ZDHHC7: variants seen among roughly 807,000 people sequenced by gnomAD.
The protein encoded by ZDHHC7 is zDHHC palmitoyltransferase 7.
Under a neutral mutation model 34.1 loss-of-function variants are expected in ZDHHC7, and 12 were observed. The observed-to-expected ratio is 0.35, with a 90% CI of 0.23 to 0.57. The LOEUF (loss-of-function observed/expected upper bound fraction) is 0.57. Ranked by LOEUF, ZDHHC7 falls within the 20% of genes least tolerant of loss-of-function variation. The pLI, the probability that ZDHHC7 is intolerant of heterozygous loss-of-function variation, is 0.84. For missense variants in ZDHHC7, 388 were observed against 402.7 expected (o/e 0.96, Z 0.31); for synonymous variants, 185 against 155.4 (o/e 1.19, Z -1.42).
At chr16:84,987,647 G>A (rs1020111232) in intron 3 of ZDHHC7, among the ~76,000 whole-genome samples, 6 of 152,104 alleles carry the variant, frequency 3.9e-5, no homozygotes, top group Admixed American at 6.5e-5. Context: ...ACTTACACGC[G>A]GCCGTTCAGA....
chr16:85,020,519 G>C, the ZDHHC7 span, among the ~76,000 whole-genome samples: 1 of 152,196 alleles, frequency 6.6e-6, no homozygotes, highest in Non-Finnish European at 1.5e-5. Flanking sequence ...GATTCCTTTA[G>C]GATGTGACAT....
At chr16:84,999,664 C>G (rs935051231) in intron 1 of ZDHHC7, among the ~76,000 whole-genome samples, 1 of 152,062 alleles carries the variant, frequency 6.6e-6, no homozygotes, top group African/African-American at 2.4e-5. Context: ...GAGGCAAACT[C>G]GTTTATTTAG....
chr16:85,003,663 G>A (rs79458791), intron 1 of ZDHHC7, among the ~76,000 whole-genome samples: 1 of 152,274 alleles, frequency 6.6e-6, no homozygotes, highest in East Asian at 1.9e-4. Flanking sequence ...ATGATATGCT[G>A]GCACGTAAGT....
At chr16:85,027,381 G>A in the ZDHHC7 span, among the ~76,000 whole-genome samples, 2 of 152,170 alleles carry the variant, frequency 1.3e-5, no homozygotes, top group African/African-American at 4.8e-5. Context: ...AACTGACACG[G>A]CTGTTTTAAA....
At chr16:85,014,848 TC>T (rs1490230801), upstream of ZDHHC7, among the ~76,000 whole-genome samples, 1 of 152,064 alleles carries the variant, frequency 6.6e-6, no homozygotes. Flanking sequence ...AGACAAAACA[TC>T]AATGAATACG....
intron 1 of ZDHHC7, among the ~76,000 whole-genome samples, chr16:84,999,760 G>A (rs180695386): frequency 1.3e-5 from 2 of 152,258 alleles, no homozygotes; most frequent in Admixed American, 1.3e-4. Flanking sequence ...AGACATGCCT[G>A]TATCTTGAGA....
At chr16:84,981,141 G>A (rs1447679917) in intron 4 of ZDHHC7, among the ~76,000 whole-genome samples, 4 of 152,172 alleles carry the variant, frequency 2.6e-5, no homozygotes, top group Non-Finnish European at 5.9e-5. Flanking sequence ...TTCAACACGT[G>A]AAATCAACAG....
chr16:84,976,619 G>A (rs960319086), intron 7 of ZDHHC7, 100 bp from the exon 8 acceptor site: 10 of 1,461,898 alleles, frequency 6.8e-6, no homozygotes, highest in Middle Eastern at 2.4e-4. Flanking sequence ...GTGTGGGCTC[G>A]ATGGAGGGTA....
Position 84,976,542 on chromosome 16 carries a change from G to C in ZDHHC7, c.751-23C>G, listed in dbSNP as rs757682480. The C allele has an allele frequency of 9.9e-6, 16 of 1,610,510 alleles. No homozygotes were observed. In the African/African-American group the frequency reaches 2.0e-4, roughly 20 times the overall value. On this transcript the variant is annotated intron_variant, in intron 7 of 7. Transcript: ENST00000313732. Reference sequence around the variant, plus strand: ...CTCCTGGAAGCAGAAAGAAAAGCAAGTGGCAGCGGCTCCAGGAAGCTCGGC... The same window carrying C: ...CTCCTGGAAGCAGAAAGAAAAGCAACTGGCAGCGGCTCCAGGAAGCTCGGC...
chr16:84,979,994 G>A (rs1011177384), intron 4 of ZDHHC7, among the ~76,000 whole-genome samples: 1 of 116,716 alleles, frequency 8.6e-6, no homozygotes, highest in Non-Finnish European at 1.6e-5. Context: ...TTGCTCTGTC[G>A]CCCAGGCTGG....
At chr16:85,018,314 A>G in the ZDHHC7 span, among the ~76,000 whole-genome samples, 1 of 152,200 alleles carries the variant, frequency 6.6e-6, no homozygotes, top group Admixed American at 6.5e-5. Flanking sequence ...AAGACAGGGC[A>G]AGGCAGTGAT....
chr16:84,992,260 A>C (rs965609685), intron 2 of ZDHHC7, among the ~76,000 whole-genome samples: 43 of 152,000 alleles, frequency 2.8e-4, no homozygotes, highest in African/African-American at 1.0e-3. Flanking sequence ...ACGAGGTTAC[A>C]AGTTCAAGAC....
At chr16:85,012,068 T>C (rs1433687804), upstream of ZDHHC7, among the ~76,000 whole-genome samples, 3 of 152,168 alleles carry the variant, frequency 2.0e-5, no homozygotes, top group Non-Finnish European at 2.9e-5. Context: ...TAGGAAGCCC[T>C]AAGTGTTTGA....
chr16:85,015,744 G>T (rs943155520), upstream of ZDHHC7, among the ~76,000 whole-genome samples: 3 of 151,850 alleles, frequency 2.0e-5, no homozygotes, highest in African/African-American at 7.3e-5. Context: ...CCTCAAGGGG[G>T]TTGAAGTGGG....
At position 84,981,983 on chromosome 16, in the gene ZDHHC7, G is replaced by A; in HGVS notation, c.327C>T (p.Pro109=). The change falls in exon 4 of 8, where the codon CCC becomes CCT. Residue 109 remains proline, a synonymous_variant. Transcript: ENST00000313732. The part of the protein sequence containing the change: ...RTMLTDPGAV[P]KGNATKEYME... Reference sequence around the variant, plus strand: ...TGTATTCTTTCGTAGCGTTTCCTTTGGGTACTGCCCCCTACCATATAAGAA... The same window carrying A: ...TGTATTCTTTCGTAGCGTTTCCTTTAGGTACTGCCCCCTACCATATAAGAA... 2 of 1,614,066 alleles carry A rather than the reference G, an allele frequency of 1.2e-6. No homozygotes were observed. Among genetic ancestry groups the A allele is most frequent in the Non-Finnish European group, 1.7e-6 (2 of 1,180,012 alleles).
the ZDHHC7 span, among the ~76,000 whole-genome samples, chr16:85,027,039 G>A: frequency 6.6e-6 from 1 of 152,106 alleles, no homozygotes; most frequent in Non-Finnish European, 1.5e-5. Context: ...TCTTTTAATT[G>A]AGGAGACACA....
chr16:84,993,207 C>A (rs1050371427), intron 2 of ZDHHC7, among the ~76,000 whole-genome samples: 3 of 151,662 alleles, frequency 2.0e-5, no homozygotes, highest in Non-Finnish European at 4.4e-5. Context: ...TATAGTCCCC[C>A]CTACTAGGGA....
chr16:84,979,467 T>G, intron 4 of ZDHHC7, 182 bp from the exon 5 acceptor site: 1 of 662,952 alleles, frequency 1.5e-6, no homozygotes, highest in Non-Finnish European at 1.9e-6. Context: ...TGTCTTCCGT[T>G]TCCTAAGGAA....
At chr16:85,003,441 T>C (rs2072678037) in intron 1 of ZDHHC7, among the ~76,000 whole-genome samples, 2 of 152,232 alleles carry the variant, frequency 1.3e-5, no homozygotes, top group Non-Finnish European at 2.9e-5. Context: ...CCCACTGCAG[T>C]GAGCTGATGG....
Sources: allele counts gnomAD v4.1 joint callset (sites outside exome capture counted in the v4.1 genomes callset), GRCh38; gene constraint gnomAD v4.1.1; transcripts MANE v1.5; gene names NCBI Gene and HGNC (gene_info 2026-07-23, HGNC 2026-07-21).